The following UBE2E2 variants were observed in gnomAD, a reference collection of about 807,000 sequenced individuals.
UBE2E2 encodes ubiquitin-conjugating enzyme E2 E2.
Under a neutral mutation model 24.7 loss-of-function variants are expected in UBE2E2, and 6 were observed. The ratio of observed to expected loss-of-function variants is 0.24; its 90% confidence interval spans 0.13 to 0.48. The LOEUF is 0.48. Ranked by LOEUF, UBE2E2 falls within the 20% of genes least tolerant of loss-of-function variation. The pLI is 0.99. For synonymous variants in UBE2E2, 104 were observed against 83.6 expected (o/e 1.24, Z -1.33); for missense variants, 169 against 245.0 (o/e 0.69, Z 2.07).
At chr3:23,570,613 T>C (rs1266757489) in intron 5 of UBE2E2, among the ~76,000 whole-genome samples, 2 of 152,222 alleles carry the variant, frequency 1.3e-5, no homozygotes, top group Non-Finnish European at 2.9e-5. Flanking sequence ...GCCAGCTGAT[T>C]CTTCCAGAAA....
chr3:23,541,894 C>G (rs1045996370), intron 5 of UBE2E2, among the ~76,000 whole-genome samples: 1 of 152,186 alleles, frequency 6.6e-6, no homozygotes, highest in Admixed American at 6.5e-5. Context: ...TACATTGTGA[C>G]CACATGTGTA....
At chr3:23,499,436 T>C (rs7614195) in intron 3 of UBE2E2, among the ~76,000 whole-genome samples, 172 bp from the exon 4 acceptor site, 30,993 of 152,200 alleles carry the variant, frequency 0.2, 3,146 homozygotes, top group Middle Eastern at 0.24. Context: ...ACCAACATAT[T>C]TCACTTCTAG....
intron 3 of UBE2E2, among the ~76,000 whole-genome samples, chr3:23,289,488 C>G (rs369085345): frequency 6.6e-6 from 1 of 152,074 alleles, no homozygotes; most frequent in African/African-American, 2.4e-5. Context: ...TGACACTTTG[C>G]GACTTCTAGA....
chr3:23,286,554 T>C (rs1353092365), intron 3 of UBE2E2, among the ~76,000 whole-genome samples: 1 of 152,184 alleles, frequency 6.6e-6, no homozygotes, highest in Non-Finnish European at 1.5e-5. Context: ...TTACCAGAGC[T>C]CTGTAGTATA....
At chr3:23,265,019 T>C (rs1254361529) in intron 3 of UBE2E2, among the ~76,000 whole-genome samples, 1 of 151,896 alleles carries the variant, frequency 6.6e-6, no homozygotes, top group African/African-American at 2.4e-5. Flanking sequence ...TATTGCAGAG[T>C]TGTGAGTGCA....
chr3:23,325,656 G>A (rs193122183), intron 3 of UBE2E2, among the ~76,000 whole-genome samples: 308 of 152,214 alleles, frequency 2.0e-3, no homozygotes, highest in Middle Eastern at 3.4e-3. Flanking sequence ...CGTCCTCTCC[G>A]GTGTATTTGT....
At chr3:23,579,131 G>GCCTATAATC (rs1274754861) in intron 5 of UBE2E2, among the ~76,000 whole-genome samples, 10 of 152,118 alleles carry the variant, frequency 6.6e-5, no homozygotes, top group Non-Finnish European at 1.3e-4. Context: ...GGTGGCTCAT[G>GCCTATAATC]CCTATAATCC....
rs957561027 is a variant in UBE2E2 at position 23,407,740 on chromosome 3, C to A, written c.228-91868C>A. Among the ~76,000 whole-genome samples, 5 of 151,616 alleles carry A rather than the reference C, an allele frequency of 3.3e-5. No homozygotes were observed. Among genetic ancestry groups the A allele is most frequent in the African/African-American group, 1.2e-4 (5 of 41,284 alleles). On this transcript the variant is annotated intron_variant, in intron 3 of 5. Transcript: ENST00000396703. This position sits in a 1 kb window ranked among gnomAD's most constrained non-coding sequence, Gnocchi z 4.0. Reference sequence around the variant, plus strand: ...TTTATGCCGTTTTACTCCTAAACCTCTGTACATCTCAAATAAAACCTAAAA... The same window carrying A: ...TTTATGCCGTTTTACTCCTAAACCTATGTACATCTCAAATAAAACCTAAAA...
intron 3 of UBE2E2, among the ~76,000 whole-genome samples, chr3:23,432,708 T>C (rs1379465170): frequency 6.6e-6 from 1 of 152,108 alleles, no homozygotes; most frequent in African/African-American, 2.4e-5. Context: ...ATTTATTTAA[T>C]TGAACTTTTG....
At chr3:23,249,755 A>C (rs6792915) in intron 3 of UBE2E2, among the ~76,000 whole-genome samples, 52,083 of 151,468 alleles carry the variant, frequency 0.34, 9,190 homozygotes, top group South Asian at 0.4. Flanking sequence ...TTCTGGGTTC[A>C]TGCCATTCTC....
At chr3:23,441,691 T>C (rs539313827) in intron 3 of UBE2E2, among the ~76,000 whole-genome samples, 1 of 152,330 alleles carries the variant, frequency 6.6e-6, no homozygotes, top group Admixed American at 6.5e-5. Flanking sequence ...ACAGGTAGCA[T>C]TGATTCTGTC....
intron 5 of UBE2E2, among the ~76,000 whole-genome samples, chr3:23,587,954 T>G (rs1696664417): frequency 2.0e-5 from 3 of 152,270 alleles, no homozygotes; most frequent in Admixed American, 2.0e-4. Flanking sequence ...GAATAATTAT[T>G]ACGAGATTTA....
chr3:23,411,203 C>G (rs933476916), intron 3 of UBE2E2, among the ~76,000 whole-genome samples: 2 of 152,158 alleles, frequency 1.3e-5, no homozygotes, highest in Non-Finnish European at 2.9e-5. Flanking sequence ...GTGGGTTGAG[C>G]CCTCTCTGCT....
At chr3:23,473,869 G>GTACA (rs1172711396) in intron 3 of UBE2E2, among the ~76,000 whole-genome samples, 1 of 152,060 alleles carries the variant, frequency 6.6e-6, no homozygotes, top group African/African-American at 2.4e-5. Flanking sequence ...AAACATGCAT[G>GTACA]TACAAGTACC....
chr3:23,378,212 T>G (rs1338724041), intron 3 of UBE2E2, among the ~76,000 whole-genome samples: 1 of 99,748 alleles, frequency 1.0e-5, no homozygotes, highest in Non-Finnish European at 2.0e-5. Flanking sequence ...CAGAATATAC[T>G]CAAAGCCAAC....
chr3:23,225,210 A>G lies in UBE2E2; in HGVS notation c.227+7898A>G, dbSNP rs547524366. Among the ~76,000 whole-genome samples the G allele has an allele frequency of 5.3e-5, 8 of 151,202 alleles. No homozygotes were observed. In the South Asian group the frequency reaches 1.3e-3, roughly 24 times the overall value. On this transcript the variant is annotated intron_variant, in intron 3 of 5. Transcript: ENST00000396703. ...GATATAAGTCCTGTACATCAGATAT[A>G]TAATTTGCAACTATCTTCCTCCATT... is the stretch of plus-strand genomic sequence containing the variant.
chr3:23,490,120 G>A (rs780746668), intron 3 of UBE2E2, among the ~76,000 whole-genome samples: 1 of 152,160 alleles, frequency 6.6e-6, no homozygotes, highest in Non-Finnish European at 1.5e-5. Flanking sequence ...AATTGTCCAA[G>A]TGAATGGATT....
At chr3:23,238,476 A>G (rs1697175944) in intron 3 of UBE2E2, among the ~76,000 whole-genome samples, 1 of 152,180 alleles carries the variant, frequency 6.6e-6, no homozygotes, top group African/African-American at 2.4e-5. Context: ...AGTTAAAAGG[A>G]ACAAAACTTT....
intron 4 of UBE2E2, among the ~76,000 whole-genome samples, chr3:23,500,012 C>T (rs1237698351): frequency 6.6e-6 from 1 of 151,982 alleles, no homozygotes; most frequent in African/African-American, 2.4e-5. Context: ...CATTAAAACA[C>T]CATGTTTTAT....
Sources: gnomAD v4.1 joint callset for allele counts (sites outside exome capture counted in the v4.1 genomes callset) on GRCh38, gnomAD v4.1.1 for gene constraint, Gnocchi (gnomAD v3.1) non-coding constraint, MANE v1.5 for transcripts, NCBI Gene and HGNC (gene_info 2026-07-23, HGNC 2026-07-21) for gene names.